Variants in ARMC3 observed in about 807,000 individuals in gnomAD.
ARMC3 encodes armadillo repeat containing 3.
ARMC3 carries 74 observed loss-of-function variants against 90.3 expected under a neutral mutation model. The observed-to-expected ratio is 0.82, with a 90% CI of 0.68 to 0.99. ARMC3 has a LOEUF of 0.99. Ranked by LOEUF, ARMC3 falls within the 50% of genes least tolerant of loss-of-function variation. ARMC3 has a pLI of 0.00. For missense variants in ARMC3, 958 were observed against 1,042.8 expected, an observed-to-expected ratio of 0.92 and a Z score of 1.12; for synonymous variants, 334 against 361.8, an observed-to-expected ratio of 0.92 and a Z score of 0.87.
chr10:22,983,113 G>A (rs1426226260), intron 10 of ARMC3, among the ~76,000 whole-genome samples: 1 of 152,024 alleles, frequency 6.6e-6, no homozygotes, highest in Non-Finnish European at 1.5e-5. Flanking sequence ...GGTTTTTCCA[G>A]TATGGTCACA....
chr10:23,030,650 G>C lies in ARMC3; in HGVS notation c.2100G>C (p.Met700Ile), dbSNP rs915390194. 1.9e-6 allele frequency: 3 copies of C among 1,613,764 alleles called. No individual in the cohort carries two copies. Among genetic ancestry groups the C allele is most frequent in the Admixed American group, 1.7e-5 (1 of 59,962 alleles). The change falls in exon 17 of 19, where the codon ATG becomes ATC. Residue 700 changes from methionine to isoleucine, a missense_variant. Physicochemically the swap from Met to Ile is conservative, Grantham distance 10. Coordinates refer to ENST00000298032, the MANE Select transcript of ARMC3 (RefSeq NM_173081.5). ...EEKVKEEEEV[M>I]VVPKFVGEGS... ...AAGTGAAAGAGGAGGAAGAGGTTAT[G>C]GTGGTACCAAAATTTGTTGGTGAAG...
At position 22,988,642 on chromosome 10, in the gene ARMC3, G is replaced by GA. The variant is rs558640799; in HGVS notation, c.1175+6947dup. On this transcript the variant is annotated intron_variant, in intron 10 of 18. Coordinates refer to ENST00000298032, the MANE Select transcript of ARMC3 (RefSeq NM_173081.5). ...ATGATGATGGTCATTTTGAAGGGGG[G>GA]AAAAATCTCTTAAAGTTAGCAAAAT... Among the ~76,000 whole-genome samples, 65 of 152,232 alleles carry GA rather than the reference G, an allele frequency of 4.3e-4. No individual in the cohort carries two copies. The East Asian group carries it at 8.7e-3, about 20-fold the overall frequency.
intron 8 of ARMC3, among the ~76,000 whole-genome samples, chr10:22,971,964 T>C (rs1835701549): frequency 6.6e-6 from 1 of 152,242 alleles, no homozygotes; most frequent in Admixed American, 6.5e-5. Context: ...AGCATCTTTA[T>C]CGTGTACTTA....
intron 10 of ARMC3, among the ~76,000 whole-genome samples, chr10:22,987,900 T>C (rs1301156041): frequency 2.0e-5 from 3 of 152,226 alleles, no homozygotes; most frequent in Non-Finnish European, 4.4e-5. Context: ...TACTGGCCCA[T>C]TGCCAGCTTC....
intron 16 of ARMC3, among the ~76,000 whole-genome samples, chr10:23,028,988 A>C (rs12261088): frequency 0.12 from 18,160 of 152,094 alleles, 1,556 homozygotes; most frequent in African/African-American, 0.24. Flanking sequence ...TGCACTCTTG[A>C]CATGACTGCA....
At chr10:23,028,608 A>G (rs188500430) in intron 16 of ARMC3, among the ~76,000 whole-genome samples, 1 of 152,324 alleles carries the variant, frequency 6.6e-6, no homozygotes, top group African/African-American at 2.4e-5. Flanking sequence ...TTAGCAGACA[A>G]TTGACTAAGT....
chr10:22,934,496 T>A (rs985677775), intron 2 of ARMC3, among the ~76,000 whole-genome samples: 1 of 152,208 alleles, frequency 6.6e-6, no homozygotes, highest in Admixed American at 6.5e-5. Context: ...AAAGGAAAAT[T>A]TACTGTGGAA....
At chr10:23,000,336 C>T (rs555593236) in intron 11 of ARMC3, among the ~76,000 whole-genome samples, 11 of 152,256 alleles carry the variant, frequency 7.2e-5, no homozygotes, top group Non-Finnish European at 1.3e-4. Flanking sequence ...TCTTCAAAAT[C>T]CAGCTCTACC....
At chr10:22,992,921 T>C (rs983826607) in intron 10 of ARMC3, among the ~76,000 whole-genome samples, 8 of 152,232 alleles carry the variant, frequency 5.3e-5, no homozygotes, top group African/African-American at 1.9e-4. Flanking sequence ...GAGTTGCTGC[T>C]GCGTACACAC....
chr10:22,939,286 C>T (rs1266697057), intron 2 of ARMC3, among the ~76,000 whole-genome samples: 1 of 152,158 alleles, frequency 6.6e-6, no homozygotes, highest in East Asian at 1.9e-4. Context: ...GCAATAGCTC[C>T]AGAAATCCAG....
At chr10:22,992,559 T>A (rs1050853239) in intron 10 of ARMC3, among the ~76,000 whole-genome samples, 1 of 152,172 alleles carries the variant, frequency 6.6e-6, no homozygotes, top group African/African-American at 2.4e-5. Flanking sequence ...TCTCCCTTAA[T>A]TGTGAAAAAC....
In ARMC3 at chr10:22,941,787, G is replaced by C. The variant is rs376019848; in HGVS notation, c.49-4357G>C. On this transcript the variant is annotated intron_variant, in intron 2 of 18. Coordinates refer to ENST00000298032, the MANE Select transcript of ARMC3 (RefSeq NM_173081.5). ...GAGGAGGAAAGAAAGGGGGAAGTAA[G>C]AGTGTTAAATGTTCAAGGATAGTAG... Among the ~76,000 whole-genome samples, 8 of 152,310 alleles carry C rather than the reference G, an allele frequency of 5.3e-5. No homozygotes were observed. The East Asian group carries it at 9.6e-4, about 18-fold the overall frequency.
chr10:22,932,078 A>G, intron 2 of ARMC3, 34 bp downstream of exon 2: 1 of 1,543,800 alleles, frequency 6.5e-7, no homozygotes, highest in Non-Finnish European at 8.8e-7. Flanking sequence ...GTAGCACTTT[A>G]ACAACCAGTT....
intron 3 of ARMC3, among the ~76,000 whole-genome samples, chr10:22,946,927 A>G (rs1308499628): frequency 6.6e-6 from 1 of 152,232 alleles, no homozygotes; most frequent in Admixed American, 6.5e-5. Context: ...CGGGAGGCCA[A>G]GGTGGGTGGA....
rs1839176051 is a variant in ARMC3, at chr10:23,037,803, TG to T, written c.*325del. 1 of 207,418 alleles carries T rather than the reference TG, an allele frequency of 4.8e-6. No individual in the cohort carries two copies. Among genetic ancestry groups the T allele is most frequent in the Non-Finnish European group, 9.7e-6 (1 of 103,442 alleles). 12.8% of individuals were successfully genotyped at this position (207,418 alleles called of 1,614,324 possible). ...GGAATCACATGTAGCACTCAGCTGC[TG>T]CACCCAGGACAACACTGTGGCCTCA... is the stretch of plus-strand genomic sequence containing the variant. On this transcript the variant is annotated 3_prime_UTR_variant, in exon 19 of 19. Transcript: ENST00000298032.
At chr10:22,968,009 G>GT (rs751924479) in intron 7 of ARMC3, among the ~76,000 whole-genome samples, 12 of 152,134 alleles carry the variant, frequency 7.9e-5, no homozygotes, top group Non-Finnish European at 1.8e-4. Context: ...TTTCAAAATT[G>GT]TTTTTTGCAG....
chr10:22,952,263 T>G (rs1834764390), intron 3 of ARMC3, among the ~76,000 whole-genome samples: 2 of 152,050 alleles, frequency 1.3e-5, no homozygotes, highest in African/African-American at 4.8e-5. Flanking sequence ...AGCTGCTTTT[T>G]GAGATCAATA....
chr10:23,011,003 C>T (rs866010724), intron 16 of ARMC3, among the ~76,000 whole-genome samples: 1 of 139,362 alleles, frequency 7.2e-6, no homozygotes, highest in Non-Finnish European at 1.6e-5. Context: ...CTCTCTCCTT[C>T]CCTTCCCTCC....
At position 22,982,231 on chromosome 10, in the gene ARMC3, A is replaced by T. The variant is rs552482832; in HGVS notation, c.1175+531A>T. Among the ~76,000 whole-genome samples the T allele has an allele frequency of 2.6e-5, 4 of 152,300 alleles. No individual in the cohort carries two copies. The South Asian group carries it at 6.2e-4, about 24-fold the overall frequency. The stretch of plus-strand genomic sequence containing the variant: ...ATCTATACTAAAAATACAAAAAAAT[A>T]GCTGGGCGTGGTGGCATGCGCCTGT... On this transcript the variant is annotated intron_variant, in intron 10 of 18. Transcript: ENST00000298032.
Sources: allele counts gnomAD v4.1 joint callset (sites outside exome capture counted in the v4.1 genomes callset), GRCh38; gene constraint gnomAD v4.1.1; transcripts MANE v1.5; gene names NCBI Gene and HGNC (gene_info 2026-07-23, HGNC 2026-07-21).